The following NPAS2 variants were observed in gnomAD, a reference collection of about 807,000 sequenced individuals.
NPAS2 encodes neuronal PAS domain protein 2, also known as neuronal PAS domain-containing protein 2.
Under a neutral mutation model 107.5 loss-of-function variants are expected in NPAS2, and 23 were observed. The observed-to-expected ratio is 0.21, with a 90% CI of 0.15 to 0.30. The LOEUF is 0.30. NPAS2 is among the 10% of genes least tolerant of loss of function. NPAS2 has a pLI of 1.00. For synonymous variants in NPAS2, 403 were observed against 417.5 expected (o/e 0.97, Z 0.42); for missense variants, 756 against 1,043.3 (o/e 0.72, Z 3.79).
At chr2:100,937,874 T>G in intron 5 of NPAS2, 32 bp downstream of exon 5, 2 of 1,449,922 alleles carry the variant, frequency 1.4e-6, no homozygotes, top group Non-Finnish European at 1.9e-6. Context: ...CTTTACCGGT[T>G]CACGTTACCA....
At chr2:100,907,145 C>T (rs561847031) in intron 2 of NPAS2, among the ~76,000 whole-genome samples, 5 of 152,220 alleles carry the variant, frequency 3.3e-5, no homozygotes, top group South Asian at 2.1e-4. Flanking sequence ...TCTCCTGCAC[C>T]GCTTACCTCT....
chr2:100,988,679 G>A, intron 17 of NPAS2: 1 of 321,598 alleles, frequency 3.1e-6, no homozygotes, highest in Non-Finnish European at 6.0e-6. Context: ...TTACCCACAT[G>A]AGCAGCCACT....
intron 1 of NPAS2, among the ~76,000 whole-genome samples, chr2:100,849,187 A>C (rs544529120): frequency 1.2e-4 from 18 of 152,358 alleles, no homozygotes; most frequent in African/African-American, 4.3e-4. Flanking sequence ...AGAGTAGTGC[A>C]TCAGTCTAAA....
chr2:100,958,692 G>C (rs1675725020), intron 7 of NPAS2, among the ~76,000 whole-genome samples: 2 of 152,120 alleles, frequency 1.3e-5, no homozygotes, highest in Non-Finnish European at 2.9e-5. Context: ...TTTCAGTCTG[G>C]GAGTGGGGGG....
At chr2:100,837,213 A>G (rs887951784) in intron 1 of NPAS2, among the ~76,000 whole-genome samples, 1 of 152,194 alleles carries the variant, frequency 6.6e-6, no homozygotes, top group Non-Finnish European at 1.5e-5. Flanking sequence ...TGAGGCCCCA[A>G]ATGGATCTGA....
intron 16 of NPAS2, chr2:100,985,835 G>A (rs1677746329): frequency 6.6e-6 from 1 of 152,064 alleles, no homozygotes. Context: ...ATTGCCGAAG[G>A]CCATACTGCT....
At chr2:100,971,115 T>C in intron 12 of NPAS2, 41 bp downstream of exon 12, 1 of 1,590,774 alleles carries the variant, frequency 6.3e-7, no homozygotes, top group Non-Finnish European at 8.6e-7. Context: ...AAAGGTTGGC[T>C]AGGAAGAAAA....
Position 100,993,383 on chromosome 2 carries a change from C to A in NPAS2, c.2148C>A (p.Asp716Glu). Residue 716 changes from aspartate (D) to glutamate (E), a missense_variant, in exon 20 of 21, where the codon GAC (aspartate) becomes GAA (glutamate). Physicochemically the swap from Asp to Glu is conservative, Grantham distance 45. This residue lies in a region of NPAS2 where 496 missense variants were observed against 594.4 expected (regional missense o/e 0.83). Coordinates refer to ENST00000335681, the MANE Select transcript of NPAS2 (RefSeq NM_002518.4). ...AQSQTVFQNP[D>E]AHPANSSSAP... ...GCCAGACCGTGTTTCAAAATCCAGA[C>A]GCACACCCCGCCAACAGCAGCAGCG... 6.2e-7 allele frequency: 1 copy of A among 1,607,058 alleles called. No homozygotes were observed. Among genetic ancestry groups the A allele is most frequent in the Non-Finnish European group, 8.5e-7 (1 of 1,174,758 alleles).
chr2:100,940,136 G>A (rs1674488373), intron 5 of NPAS2, among the ~76,000 whole-genome samples: 1 of 152,214 alleles, frequency 6.6e-6, no homozygotes, highest in South Asian at 2.1e-4. Context: ...CTTCCCTGGT[G>A]CAATCAGCAT....
At chr2:100,972,628 A>G (rs1347768285) in intron 12 of NPAS2, 2 of 152,208 alleles carry the variant, frequency 1.3e-5, no homozygotes, top group Non-Finnish European at 2.9e-5. Context: ...TTCCATGGCA[A>G]TTCATCACCA....
chr2:100,935,202 C>T, intron 4 of NPAS2: 4 of 524,408 alleles, frequency 7.6e-6, no homozygotes, highest in Non-Finnish European at 9.8e-6. Context: ...AGCCAAAGTG[C>T]CTGTGGCCTG....
In NPAS2 at chr2:100,949,355, T is replaced by G. The variant is rs1344944268; in HGVS notation, c.485-12T>G. 6.4e-7 allele frequency: 1 copy of G among 1,555,510 alleles called. No homozygotes were observed. Among genetic ancestry groups the G allele is most frequent in the Admixed American group, 1.7e-5 (1 of 59,934 alleles). ...GACCCCTTTCTCTCCTCTTCTTCCT[T>G]TAACGGCCCAGCTGACAGCGATTTA... On this transcript the variant is annotated splice_polypyrimidine_tract_variant and intron_variant, in intron 6 of 20. Transcript: ENST00000335681.
chr2:100,870,247 A>G (rs930375549), intron 1 of NPAS2, among the ~76,000 whole-genome samples: 1 of 152,158 alleles, frequency 6.6e-6, no homozygotes, highest in South Asian at 2.1e-4. Flanking sequence ...GAAGTTTCCT[A>G]TTCTCTTATT....
rs371339230 is a variant in NPAS2 at position 100,993,466 on chromosome 2, C to T, written c.2231C>T (p.Ser744Phe). ...QAVLHPSFPA[S>F]QPSPLQPAQA... Reference sequence around the variant, plus strand: ...GTGCTCCACCCCAGCTTCCCTGCCTCCCAACCATCGCCCCTGCAGCCTGCA... The same window carrying T: ...GTGCTCCACCCCAGCTTCCCTGCCTTCCAACCATCGCCCCTGCAGCCTGCA... Residue 744 changes from serine (S) to phenylalanine (F), a missense_variant, in exon 20 of 21, where the codon TCC becomes TTC. Physicochemically the swap from Ser to Phe is radical, Grantham distance 155. Transcript: ENST00000335681. The T allele has an allele frequency of 6.2e-7, 1 of 1,611,426 alleles. No homozygotes were observed. The highest frequency in any genetic ancestry group is 1.3e-5 in the African/African-American group (1 of 74,842).
chr2:100,853,317 C>CAATTT (rs1377707762), intron 1 of NPAS2, among the ~76,000 whole-genome samples: 4 of 152,318 alleles, frequency 2.6e-5, no homozygotes, highest in African/African-American at 9.6e-5. Context: ...ATGTAAATTT[C>CAATTT]AATTTACATT....
intron 7 of NPAS2, 134 bp from the exon 8 acceptor site, chr2:100,963,924 A>G: frequency 1.7e-6 from 1 of 588,500 alleles, no homozygotes; most frequent in South Asian, 2.3e-5. Flanking sequence ...TCCAGTTGTG[A>G]AAATGAAATG....
In NPAS2 at chr2:100,965,600, C is replaced by A; in HGVS notation, c.801-60C>A. 1 of 1,088,816 alleles carries A rather than the reference C, an allele frequency of 9.2e-7. No individual in the cohort carries two copies. The highest frequency in any genetic ancestry group is 1.4e-6 in the Non-Finnish European group (1 of 719,390). The allele number at this position is 1,088,816 out of a possible 1,614,324, so 67.4% of individuals were successfully genotyped here. A position where few individuals can be genotyped will look rare whatever the true frequency, so the allele number is the denominator to read the frequency against. On this transcript the variant is annotated intron_variant, in intron 9 of 20. Transcript: ENST00000335681. The surrounding 1 kb of genome is among the most constrained non-coding windows in gnomAD (Gnocchi z 4.3). ...GATCATTATGGAAAGGCATGGCCAC[C>A]AGGGTGAGCCCTGCAGGGTGTCTCC...
chr2:100,867,381 C>T (rs1311098476), intron 1 of NPAS2, among the ~76,000 whole-genome samples: 1 of 152,188 alleles, frequency 6.6e-6, no homozygotes, highest in Non-Finnish European at 1.5e-5. Context: ...TTAGGATTAT[C>T]TTCTCTTCCA....
chr2:100,827,158 GAT>G (rs1676441336), intron 1 of NPAS2, among the ~76,000 whole-genome samples: 1 of 152,112 alleles, frequency 6.6e-6, no homozygotes, highest in African/African-American at 2.4e-5. Flanking sequence ...CCCCTCCAGT[GAT>G]ATGTTTCCAA....
Sources: gnomAD v4.1 joint callset for allele counts (sites outside exome capture counted in the v4.1 genomes callset) on GRCh38, gnomAD v4.1.1 for gene constraint, gnomAD v4.1.1 regional missense constraint, Gnocchi (gnomAD v3.1) non-coding constraint, MANE v1.5 for transcripts, NCBI Gene and HGNC (gene_info 2026-07-23, HGNC 2026-07-21) for gene names.